The following LRP1B variants were observed in gnomAD, a reference collection of about 807,000 sequenced individuals.
LRP1B encodes the protein low-density lipoprotein receptor-related protein 1B.
LRP1B carries 217 observed loss-of-function variants against 556.6 expected under a neutral mutation model. The ratio of observed to expected loss-of-function variants is 0.39; its 90% confidence interval spans 0.35 to 0.44. The LOEUF (loss-of-function observed/expected upper bound fraction) is 0.44, where lower values mean the gene tolerates loss of function less well. Ranked by LOEUF, LRP1B falls within the 20% of genes least tolerant of loss-of-function variation. The pLI is 1.00. For synonymous variants in LRP1B, 2,047 were observed against 1,865.8 expected, an observed-to-expected ratio of 1.10 and a Z score of -2.50; for missense variants, 5,053 against 5,620.8, an observed-to-expected ratio of 0.90 and a Z score of 3.23.
rs542800580 is a variant in LRP1B at position 141,764,803 on chromosome 2, C to T, written c.205+45476G>A. Among the ~76,000 whole-genome samples the T allele has an allele frequency of 3.3e-5, 5 of 152,112 alleles. No individual in the cohort carries two copies. The South Asian group carries it at 1.0e-3, about 32-fold the overall frequency. On this transcript the variant is annotated intron_variant, in intron 2 of 90. Transcript: ENST00000389484. ...TAATGAACTTAAGTGAAAAAAAATT[C>T]ACACACAAAATAGTGTGCATACTTA...
At chr2:140,853,376 C>G (rs1692519365) in intron 27 of LRP1B, among the ~76,000 whole-genome samples, 1 of 152,064 alleles carries the variant, frequency 6.6e-6, no homozygotes, top group Admixed American at 6.5e-5. Flanking sequence ...GTCTTTATTT[C>G]CTCAGAAGGC....
chr2:141,320,530 T>C (rs1257859857), intron 3 of LRP1B, among the ~76,000 whole-genome samples: 1 of 152,092 alleles, frequency 6.6e-6, no homozygotes, highest in Non-Finnish European at 1.5e-5. Flanking sequence ...CCACTCCTAC[T>C]TAATTTGGAT....
chr2:140,736,266 T>C lies in LRP1B; in HGVS notation c.5759-19450A>G, dbSNP rs558434502. On this transcript the variant is annotated intron_variant, in intron 35 of 90. Transcript: ENST00000389484. ...TTCACTAGGGCTGATAGTACTGTAGTTGCAGTAGGGGAATCAGCATCACCA... is the reference window on the plus strand; with the variant it reads ...TTCACTAGGGCTGATAGTACTGTAGCTGCAGTAGGGGAATCAGCATCACCA... Among the ~76,000 whole-genome samples, 4 of 152,254 alleles carry C rather than the reference T, an allele frequency of 2.6e-5. No homozygotes were observed. The East Asian group carries it at 7.7e-4, about 29-fold the overall frequency.
intron 82 of LRP1B, among the ~76,000 whole-genome samples, chr2:140,319,977 C>T (rs1447320033): frequency 1.3e-5 from 2 of 152,112 alleles, no homozygotes; most frequent in Non-Finnish European, 2.9e-5. Flanking sequence ...AACAGGGCTT[C>T]ACACTTCTAC....
In LRP1B at chr2:140,270,261, T is replaced by G. The variant is rs1320512128; in HGVS notation, c.13228A>C (p.Thr4410Pro). ...ACTCACAGACACACAGGTACATTTG[T>G]CTCGGGGTCCAGCTGGCATGTGCCA... ...NGGTCQLDPE[T>P]NVPVCLCSTN... is the part of the protein sequence containing the mutation. Residue 4410 changes from threonine to proline, a missense_variant, in exon 86 of 91, where the codon ACA (threonine) becomes CCA (proline). By Grantham distance (38) the Thr-to-Pro change is conservative (BLOSUM62 -1). This residue lies in a region of LRP1B where 551 missense variants were observed against 592.0 expected (regional missense o/e 0.93). Transcript: ENST00000389484. The G allele has an allele frequency of 6.2e-7, 1 of 1,611,762 alleles. No homozygotes were observed. Among genetic ancestry groups the G allele is most frequent in the Non-Finnish European group, 8.5e-7 (1 of 1,178,562 alleles).
chr2:140,859,315 A>G (rs535340753), intron 27 of LRP1B, among the ~76,000 whole-genome samples: 19 of 152,220 alleles, frequency 1.2e-4, no homozygotes, highest in African/African-American at 4.6e-4. Context: ...CCTATATGAA[A>G]TCCCTCATCC....
intron 32 of LRP1B, among the ~76,000 whole-genome samples, chr2:140,796,631 G>A (rs1212707817): frequency 6.6e-6 from 1 of 152,058 alleles, no homozygotes; most frequent in Non-Finnish European, 1.5e-5. Flanking sequence ...TTAGAAGACT[G>A]ATGGCTTAGA....
intron 59 of LRP1B, among the ~76,000 whole-genome samples, chr2:140,482,258 T>C (rs574524976): frequency 1.4e-4 from 21 of 152,322 alleles, no homozygotes; most frequent in African/African-American, 4.8e-4. Flanking sequence ...AAATATGAGT[T>C]GAATAAATGA....
intron 41 of LRP1B, among the ~76,000 whole-genome samples, chr2:140,650,920 T>G (rs1684660109): frequency 6.6e-6 from 1 of 152,142 alleles, no homozygotes; most frequent in African/African-American, 2.4e-5. Context: ...AGGGCAACTC[T>G]AATAGAATAA....
intron 41 of LRP1B, among the ~76,000 whole-genome samples, chr2:140,633,901 C>T (rs964204412): frequency 3.3e-5 from 5 of 152,086 alleles, no homozygotes; most frequent in East Asian, 3.9e-4. Context: ...TTTTATACAA[C>T]GTCTTCCAGA....
chr2:141,884,801 T>G (rs751885849), intron 1 of LRP1B, among the ~76,000 whole-genome samples: 1 of 152,210 alleles, frequency 6.6e-6, no homozygotes, highest in East Asian at 1.9e-4. Flanking sequence ...TGCAGCCTCA[T>G]GCTGCATAAA....
intron 1 of LRP1B, among the ~76,000 whole-genome samples, chr2:142,014,343 C>T (rs1162043673): frequency 2.0e-5 from 3 of 152,096 alleles, no homozygotes; most frequent in Non-Finnish European, 4.4e-5. Flanking sequence ...TTTTTTATGG[C>T]TTTAGTCTGG....
intron 2 of LRP1B, among the ~76,000 whole-genome samples, chr2:141,573,569 G>T (rs1686614033): frequency 6.7e-6 from 1 of 149,710 alleles, no homozygotes; most frequent in Non-Finnish European, 1.5e-5. Context: ...CCAAAAGCTA[G>T]CAGAAGACAA....
intron 3 of LRP1B, among the ~76,000 whole-genome samples, chr2:141,328,138 G>A (rs192364013): frequency 6.7e-4 from 102 of 152,226 alleles, no homozygotes; most frequent in African/African-American, 2.2e-3. Context: ...CTATCTATCT[G>A]TAATCTATCT....
At chr2:141,486,105 T>TTCCAG (rs1683112073) in intron 2 of LRP1B, among the ~76,000 whole-genome samples, 1 of 152,120 alleles carries the variant, frequency 6.6e-6, no homozygotes, top group Non-Finnish European at 1.5e-5. Flanking sequence ...CAGAAAACAT[T>TTCCAG]TCCAGTCCTT....
intron 2 of LRP1B, among the ~76,000 whole-genome samples, chr2:141,498,616 A>G (rs937596849): frequency 6.6e-6 from 1 of 151,986 alleles, no homozygotes; most frequent in Admixed American, 6.6e-5. Flanking sequence ...CCAGTCCCTT[A>G]AAAAAGTATC....
intron 54 of LRP1B, among the ~76,000 whole-genome samples, chr2:140,502,297 G>A (rs1689234645): frequency 6.6e-6 from 1 of 151,740 alleles, no homozygotes; most frequent in Non-Finnish European, 1.5e-5. Context: ...TTTTCTTCCT[G>A]GAAATATAAC....
intron 2 of LRP1B, among the ~76,000 whole-genome samples, chr2:141,557,137 C>G (rs1434483415): frequency 6.6e-6 from 1 of 151,666 alleles, no homozygotes; most frequent in African/African-American, 2.4e-5. Context: ...CTTACTGATT[C>G]CTGTACAGTA....
intron 16 of LRP1B, chr2:140,992,511 T>C (rs1697122990): frequency 6.6e-6 from 1 of 152,082 alleles, no homozygotes; most frequent in Admixed American, 6.6e-5. Context: ...AGGAAGCTGA[T>C]ATATAGGGAG....
Sources: gnomAD v4.1 joint callset for allele counts (sites outside exome capture counted in the v4.1 genomes callset) on GRCh38, gnomAD v4.1.1 for gene constraint, gnomAD v4.1.1 regional missense constraint, MANE v1.5 for transcripts, NCBI Gene and HGNC (gene_info 2026-07-23, HGNC 2026-07-21) for gene names.